Variants in CRYBA4 observed in about 807,000 individuals in gnomAD.
CRYBA4 encodes the protein beta-crystallin A4.
In CRYBA4, 30 loss-of-function variants were observed where a neutral mutation model predicts 31.7. The ratio of observed to expected loss-of-function variants is 0.95; its 90% CI spans 0.71 to 1.28. The LOEUF (loss-of-function observed/expected upper bound fraction) is 1.28. Ranked by LOEUF, CRYBA4 falls within the 50% of genes most tolerant of loss-of-function variation. The probability of loss-of-function intolerance (pLI) is 0.00; values close to 1 mark genes in which losing one functional copy is unlikely to be tolerated. For synonymous variants in CRYBA4, 102 were observed against 102.3 expected, an observed-to-expected ratio of 1.00 and a Z score of 0.02; for missense variants, 225 against 260.7, an observed-to-expected ratio of 0.86 and a Z score of 0.94.
At chr22:26,627,633 C>A (rs12168122) in intron 4 of CRYBA4, among the ~76,000 whole-genome samples, 1 of 85,824 alleles carries the variant, frequency 1.2e-5, no homozygotes, top group Admixed American at 1.3e-4. Flanking sequence ...TCCTTCCTTC[C>A]TTCTCTCTCT....
chr22:26,625,833 T>G (rs774419275), intron 4 of CRYBA4, among the ~76,000 whole-genome samples: 7 of 152,160 alleles, frequency 4.6e-5, no homozygotes, highest in Non-Finnish European at 4.4e-5. Flanking sequence ...GTATAACATC[T>G]GACCAGAGCC....
At chr22:26,601,934 G>A in the CRYBA4 span, 1 of 1,613,154 alleles carries the variant, frequency 6.2e-7, no homozygotes, top group Non-Finnish European at 8.5e-7. Context: ...TAGACCCAGA[G>A]ACTGGGTGCG....
chr22:26,626,400 T>C (rs1929705751), intron 4 of CRYBA4, among the ~76,000 whole-genome samples: 1 of 152,124 alleles, frequency 6.6e-6, no homozygotes, highest in South Asian at 2.1e-4. Flanking sequence ...CAAGACTCTG[T>C]CTCAAAACAA....
chr22:26,599,532 G>A, the CRYBA4 span: 33 of 1,613,712 alleles, frequency 2.0e-5, no homozygotes, highest in Admixed American at 2.0e-4. Context: ...AGGACCCCTC[G>A]AGGTGCCACT....
chr22:26,628,613 T>G (rs1394256296), intron 5 of CRYBA4, among the ~76,000 whole-genome samples, 183 bp downstream of exon 5: 9 of 152,126 alleles, frequency 5.9e-5, no homozygotes. Context: ...CAAACTGGTT[T>G]GAGCCCAGAA....
In CRYBA4 at chr22:26,630,507, G is replaced by A. The variant is rs1602344540; in HGVS notation, c.*20G>A. ...CAGTGAACAGGGGTGCGGCACGGAGGAGCGCATGCGTGCTTATCTGCAATG... is the reference window on the plus strand; with the variant it reads ...CAGTGAACAGGGGTGCGGCACGGAGAAGCGCATGCGTGCTTATCTGCAATG... On this transcript the variant is annotated 3_prime_UTR_variant, in exon 6 of 6. Transcript: ENST00000354760. 1 of 1,607,576 alleles carries A rather than the reference G, an allele frequency of 6.2e-7. No individual in the cohort carries two copies. Among genetic ancestry groups the A allele is most frequent in the African/African-American group, 1.3e-5 (1 of 75,018 alleles).
At chr22:26,600,486 TG>T in the CRYBA4 span, among the ~76,000 whole-genome samples, 5 of 152,196 alleles carry the variant, frequency 3.3e-5, no homozygotes. Context: ...CAAATATATG[TG>T]GGTTCAAATC....
rs765296550 is a variant in CRYBA4 at position 26,628,430 on chromosome 22, C to T, written c.443C>T (p.Ala148Val). 8 of 1,613,844 alleles carry T rather than the reference C, an allele frequency of 5.0e-6. No individual in the cohort carries two copies. Among genetic ancestry groups the T allele is most frequent in the Non-Finnish European group, 6.8e-6 (8 of 1,179,962 alleles). ...EVGSFHVHSG[A>V]WVCSQFPGYR... ...GGGTCCTTCCACGTCCACTCTGGGG[C>T]GTAAGTGTATTCAAGGCTCTACCTG... Residue 148 changes from alanine (A) to valine (V), a missense_variant and splice_region_variant, in exon 5 of 6, where the codon GCC becomes GTC. Ala to Val is a moderately conservative substitution (Grantham distance 64, BLOSUM62 0). Transcript: ENST00000354760.
chr22:26,592,234 C>G, the CRYBA4 span, among the ~76,000 whole-genome samples: 1 of 152,154 alleles, frequency 6.6e-6, no homozygotes, highest in Non-Finnish European at 1.5e-5. Context: ...AAATGGAGTT[C>G]AGAGGAAGAG....
chr22:26,595,054 C>A, the CRYBA4 span, among the ~76,000 whole-genome samples: 1 of 152,158 alleles, frequency 6.6e-6, no homozygotes, highest in Admixed American at 6.6e-5. Context: ...TCACTCTCAG[C>A]CTTACTACAT....
Position 26,623,240 on chromosome 22 carries a change from G to A in CRYBA4, c.46G>A (p.Val16Met). ...TKSAGPWKMV[V>M]WDEDGFQGRR... Reference sequence around the variant, plus strand: ...TTTTTTTTTCCTGGCACAGATGGTGGTGTGGGATGAGGACGGCTTCCAGGG... The same window carrying A: ...TTTTTTTTTCCTGGCACAGATGGTGATGTGGGATGAGGACGGCTTCCAGGG... Residue 16 changes from valine (V) to methionine (M), a missense_variant, in exon 3 of 6, where the codon GTG becomes ATG. Coordinates refer to ENST00000354760, the MANE Select transcript of CRYBA4 (RefSeq NM_001886.3). The A allele has an allele frequency of 2.5e-6, 4 of 1,613,088 alleles. No homozygotes were observed. The highest frequency in any genetic ancestry group is 3.4e-6 in the Non-Finnish European group (4 of 1,179,710).
the CRYBA4 span, chr22:26,601,789 AATCTG>A: frequency 6.3e-7 from 1 of 1,595,788 alleles, no homozygotes; most frequent in East Asian, 2.2e-5. Context: ...CTTCTCTAGG[AATCTG>A]ATGTTATAAC....
chr22:26,627,359 C>CTTTCTTT (rs1929736779), intron 4 of CRYBA4, among the ~76,000 whole-genome samples: 3 of 41,862 alleles, frequency 7.2e-5, no homozygotes, highest in African/African-American at 2.5e-4. Flanking sequence ...CTCCCTCCCT[C>CTTTCTTT]CTTTCTTTCT....
chr22:26,612,651 C>T, the CRYBA4 span, among the ~76,000 whole-genome samples: 1 of 152,240 alleles, frequency 6.6e-6, no homozygotes, highest in African/African-American at 2.4e-5. Flanking sequence ...TTGCACCTGG[C>T]CTCATGCCCT....
the CRYBA4 span, among the ~76,000 whole-genome samples, chr22:26,605,535 G>A: frequency 9.9e-5 from 15 of 152,092 alleles, no homozygotes; most frequent in South Asian, 1.7e-3. Context: ...TTATCTGGGC[G>A]TGGCGGTGCA....
the CRYBA4 span, among the ~76,000 whole-genome samples, chr22:26,601,182 T>C: frequency 6.6e-6 from 1 of 152,172 alleles, no homozygotes; most frequent in Non-Finnish European, 1.5e-5. Flanking sequence ...AGACAGAGCC[T>C]TACGTTTACC....
At chr22:26,625,663 C>T (rs1425710623) in intron 4 of CRYBA4, 41 bp downstream of exon 4, 2 of 1,605,882 alleles carry the variant, frequency 1.2e-6, no homozygotes, top group South Asian at 1.1e-5. Flanking sequence ...GGCCCAAGCC[C>T]CTCATGTGGG....
the CRYBA4 span, among the ~76,000 whole-genome samples, chr22:26,590,642 A>T: frequency 6.6e-6 from 1 of 152,220 alleles, no homozygotes; most frequent in South Asian, 2.1e-4. Flanking sequence ...ATCTCTGAAG[A>T]CATTTTTGGT....
the CRYBA4 span, among the ~76,000 whole-genome samples, chr22:26,613,164 G>T: frequency 0.14 from 21,676 of 152,234 alleles, 2,054 homozygotes; most frequent in South Asian, 0.3. Context: ...GGGAAAACTT[G>T]AGCTAATCTT....
Sources: allele counts gnomAD v4.1 joint callset (sites outside exome capture counted in the v4.1 genomes callset), GRCh38; gene constraint gnomAD v4.1.1; transcripts MANE v1.5; gene names NCBI Gene and HGNC (gene_info 2026-07-23, HGNC 2026-07-21).